Variants in PLCB4 observed in about 807,000 individuals in gnomAD.
The protein encoded by PLCB4 is 1-phosphatidylinositol 4,5-bisphosphate phosphodiesterase beta-4.
A neutral mutation model predicts 178.8 loss-of-function variants in PLCB4; 77 were observed. That is an observed-to-expected ratio of 0.43 (90% CI 0.36 to 0.52). The LOEUF (loss-of-function observed/expected upper bound fraction) is 0.52. PLCB4 is among the 20% of genes least tolerant of loss of function. PLCB4 has a pLI of 0.00. For missense variants in PLCB4, 1,024 were observed against 1,453.4 expected, an observed-to-expected ratio of 0.70 and a Z score of 4.80; for synonymous variants, 496 against 490.8, an observed-to-expected ratio of 1.01 and a Z score of -0.14.
At chr20:9,085,258 C>A (rs6086765) in intron 1 of PLCB4, among the ~76,000 whole-genome samples, 1 of 151,800 alleles carries the variant, frequency 6.6e-6, no homozygotes, top group Admixed American at 6.6e-5. Context: ...TTCTCCTTTA[C>A]ATATGTGCGT....
chr20:9,393,598 G>A lies in PLCB4; in HGVS notation c.1334G>A (p.Gly445Asp). ...QALESHPLEP[G>D]RALPSPNDLK... The stretch of plus-strand genomic sequence containing the variant: ...TCTGTTTCTCTCTAGCTTGAACCAG[G>A]CAGGGCTTTGCCATCCCCCAATGAC... The change falls in exon 18 of 40, where the codon GGC becomes GAC. Residue 445 changes from glycine (G) to aspartate (D), a missense_variant. Around this residue, in one of 7 missense-constraint regions of PLCB4, gnomAD observed 263 missense variants for 417.4 expected, o/e 0.63. Transcript: ENST00000378473. 1 of 1,607,954 alleles carries A rather than the reference G, an allele frequency of 6.2e-7. No individual in the cohort carries two copies. Among genetic ancestry groups the A allele is most frequent in the Non-Finnish European group, 8.5e-7 (1 of 1,174,530 alleles).
intron 28 of PLCB4, among the ~76,000 whole-genome samples, chr20:9,432,501 A>T (rs563847690): frequency 6.6e-6 from 1 of 152,196 alleles, no homozygotes; most frequent in Non-Finnish European, 1.5e-5. Flanking sequence ...GGCAAAACAT[A>T]TCTGAAGTGA....
At chr20:9,307,538 C>G (rs1601745834) in intron 3 of PLCB4, among the ~76,000 whole-genome samples, 1 of 132,458 alleles carries the variant, frequency 7.5e-6, no homozygotes, top group Non-Finnish European at 1.7e-5. Flanking sequence ...CACACACACA[C>G]ACACACACAT....
intron 3 of PLCB4, among the ~76,000 whole-genome samples, chr20:9,271,910 C>T (rs1157641147): frequency 6.6e-6 from 1 of 151,766 alleles, no homozygotes; most frequent in African/African-American, 2.4e-5. Flanking sequence ...GGTGTGGGGG[C>T]TCACACCTAT....
At chr20:9,256,243 A>G (rs1200875415) in intron 3 of PLCB4, among the ~76,000 whole-genome samples, 1 of 152,182 alleles carries the variant, frequency 6.6e-6, no homozygotes, top group African/African-American at 2.4e-5. Flanking sequence ...AGCTGGTTCA[A>G]GAGCTAAGTG....
chr20:9,354,191 G>A (rs1442447725), intron 7 of PLCB4, among the ~76,000 whole-genome samples: 1 of 152,174 alleles, frequency 6.6e-6, no homozygotes, highest in African/African-American at 2.4e-5. Flanking sequence ...AACACATGCA[G>A]TGGGGTGTGT....
intron 4 of PLCB4, among the ~76,000 whole-genome samples, chr20:9,321,845 G>A (rs1001895989): frequency 2.0e-5 from 3 of 152,010 alleles, no homozygotes; most frequent in South Asian, 2.1e-4. Context: ...TGTTGGCCAG[G>A]CTGGTCTCGA....
chr20:9,478,832 C>T lies in PLCB4; in HGVS notation c.3533-89C>T, dbSNP rs192368271. On this transcript the variant is annotated intron_variant, in intron 39 of 39. Coordinates refer to ENST00000378473, the MANE Select transcript of PLCB4 (RefSeq NM_001377142.1). ...AGTAGCAAGGATGTGGTGACAGGAT[C>T]ATATTTATGGGAGAAGAGAGGCCAG... 4.9e-4 allele frequency: 443 copies of T among 911,608 alleles called. 2 individuals are homozygous for T. The highest frequency in any genetic ancestry group is 1.6e-3 in the Admixed American group (92 of 55,792). 56.5% of individuals were successfully genotyped at this position (911,608 alleles called of 1,614,324 possible).
chr20:9,455,455 A>G (rs1353625062), intron 33 of PLCB4, among the ~76,000 whole-genome samples: 1 of 152,150 alleles, frequency 6.6e-6, no homozygotes, highest in Non-Finnish European at 1.5e-5. Context: ...ATATATCTTT[A>G]CCTCATGATT....
At chr20:9,088,411 C>G (rs1334296304) in intron 1 of PLCB4, among the ~76,000 whole-genome samples, 1 of 152,208 alleles carries the variant, frequency 6.6e-6, no homozygotes, top group East Asian at 1.9e-4. Flanking sequence ...ACAATATTCC[C>G]TTTTCTCATC....
At chr20:9,079,938 A>G (rs1412344078) in intron 1 of PLCB4, among the ~76,000 whole-genome samples, 1 of 152,220 alleles carries the variant, frequency 6.6e-6, no homozygotes, top group African/African-American at 2.4e-5. Context: ...ATGTAGGCTT[A>G]TAGATAGGAC....
At chr20:9,244,843 T>C (rs1406040336) in intron 3 of PLCB4, among the ~76,000 whole-genome samples, 1 of 152,232 alleles carries the variant, frequency 6.6e-6, no homozygotes. Flanking sequence ...GAAAATGCAG[T>C]ATAATGCCTA....
chr20:9,415,360 A>G (rs1318295712), intron 25 of PLCB4, among the ~76,000 whole-genome samples: 1 of 152,246 alleles, frequency 6.6e-6, no homozygotes, highest in African/African-American at 2.4e-5. Flanking sequence ...AAAGGGGGAT[A>G]CTGTATAGCA....
At chr20:9,134,440 T>G (rs1345611007) in intron 2 of PLCB4, among the ~76,000 whole-genome samples, 2 of 152,184 alleles carry the variant, frequency 1.3e-5, no homozygotes, top group African/African-American at 4.8e-5. Context: ...TAAATGACAT[T>G]GTATAACCCC....
At chr20:9,440,799 G>A (rs2042058761) in intron 30 of PLCB4, among the ~76,000 whole-genome samples, 5 of 152,182 alleles carry the variant, frequency 3.3e-5, no homozygotes. Flanking sequence ...GTAGATACTA[G>A]AGGAGAGAGA....
intron 2 of PLCB4, among the ~76,000 whole-genome samples, chr20:9,180,653 C>T (rs1025946085): frequency 3.3e-5 from 5 of 152,156 alleles, no homozygotes; most frequent in African/African-American, 1.2e-4. Flanking sequence ...TGCAGTCAAC[C>T]TTGCCACAAA....
At chr20:9,422,103 G>A (rs2148573039) in intron 27 of PLCB4, among the ~76,000 whole-genome samples, 1 of 152,288 alleles carries the variant, frequency 6.6e-6, no homozygotes, top group South Asian at 2.1e-4. Flanking sequence ...CACCGGCAGT[G>A]CTGTCTCCAA....
intron 4 of PLCB4, among the ~76,000 whole-genome samples, chr20:9,323,923 C>T (rs2029911127): frequency 6.6e-6 from 1 of 152,176 alleles, no homozygotes; most frequent in Non-Finnish European, 1.5e-5. Flanking sequence ...CCCTCCTCTC[C>T]TCTCTCAGGT....
chr20:9,337,075 T>G (rs1205436535), intron 4 of PLCB4, 51 bp from the exon 5 acceptor site: 1 of 1,157,298 alleles, frequency 8.6e-7, no homozygotes, highest in East Asian at 2.4e-5. Flanking sequence ...TCATTTTTAT[T>G]AGATTCAAAA....
Sources: allele counts gnomAD v4.1 joint callset (sites outside exome capture counted in the v4.1 genomes callset), GRCh38; gene constraint gnomAD v4.1.1; regional missense constraint gnomAD v4.1.1; transcripts MANE v1.5; gene names NCBI Gene and HGNC (gene_info 2026-07-23, HGNC 2026-07-21).